LRBA: variants seen among roughly 807,000 people sequenced by gnomAD.
LRBA encodes LPS responsive beige-like anchor protein.
In LRBA, 176 loss-of-function variants were observed where a neutral mutation model predicts 330.0. The ratio of observed to expected loss-of-function variants is 0.53; its 90% CI spans 0.47 to 0.60. The LOEUF (loss-of-function observed/expected upper bound fraction) is 0.60, where lower values mean the gene tolerates loss of function less well. Ranked by LOEUF, LRBA falls within the 20% of genes least tolerant of loss-of-function variation. The pLI is 0.00. For synonymous variants in LRBA, 1,230 were observed against 1,193.0 expected (o/e 1.03, Z -0.64); for missense variants, 3,259 against 3,444.8 (o/e 0.95, Z 1.35).
At chr4:150,598,041 A>G (rs1773699191) in intron 38 of LRBA, among the ~76,000 whole-genome samples, 1 of 152,130 alleles carries the variant, frequency 6.6e-6, no homozygotes, top group South Asian at 2.1e-4. Context: ...GGCCAAACCT[A>G]AGATTACAGA....
chr4:150,342,706 A>C (rs6535729), intron 48 of LRBA, among the ~76,000 whole-genome samples: 115,067 of 151,954 alleles, frequency 0.76, 45,281 homozygotes, highest in Non-Finnish European at 0.89. Context: ...ATTCATTATA[A>C]AATGGAAACT....
chr4:150,975,160 A>C (rs1429570278), intron 2 of LRBA, among the ~76,000 whole-genome samples: 1 of 152,214 alleles, frequency 6.6e-6, no homozygotes, highest in East Asian at 1.9e-4. Flanking sequence ...ATCTCTACTA[A>C]TCAGATGTTG....
intron 44 of LRBA, among the ~76,000 whole-genome samples, chr4:150,457,032 G>C (rs1206376026): frequency 2.0e-5 from 3 of 151,978 alleles, no homozygotes; most frequent in Non-Finnish European, 4.4e-5. Flanking sequence ...AGTTAATGCA[G>C]TTCAACGGGA....
intron 47 of LRBA, among the ~76,000 whole-genome samples, chr4:150,377,507 A>C (rs1741526030): frequency 6.6e-6 from 1 of 152,206 alleles, no homozygotes; most frequent in African/African-American, 2.4e-5. Context: ...GATTTGATTA[A>C]AAGTCCTTAG....
chr4:150,827,423 C>G (rs1378276553), intron 30 of LRBA, among the ~76,000 whole-genome samples: 7 of 151,986 alleles, frequency 4.6e-5, no homozygotes, highest in African/African-American at 7.3e-5. Flanking sequence ...TCCTGCTTCC[C>G]CTTTCACTTT....
intron 40 of LRBA, among the ~76,000 whole-genome samples, chr4:150,539,932 G>T (rs1386543918): frequency 6.6e-6 from 1 of 152,110 alleles, no homozygotes; most frequent in East Asian, 1.9e-4. Flanking sequence ...AAACATTTAT[G>T]TACTCACAAA....
At chr4:150,732,081 T>C (rs1730531330) in intron 36 of LRBA, among the ~76,000 whole-genome samples, 1 of 152,080 alleles carries the variant, frequency 6.6e-6, no homozygotes, top group Non-Finnish European at 1.5e-5. Flanking sequence ...ATGTCAAAAC[T>C]CATGTTTAAA....
At position 150,583,193 on chromosome 4, in the gene LRBA, C is replaced by A; in HGVS notation, c.6330+4855G>T. ...GTGCAGGAGCCTCGCTTCATCAGCTCCTTGAGCGAGATCGATGCCCGCTAC... is the reference window on the plus strand; with the variant it reads ...GTGCAGGAGCCTCGCTTCATCAGCTACTTGAGCGAGATCGATGCCCGCTAC... On this transcript the variant is annotated intron_variant, in intron 40 of 56. Transcript: ENST00000651943. The surrounding 1 kb of genome is among the most constrained non-coding windows in gnomAD (Gnocchi z 9.8). The A allele has an allele frequency of 6.2e-7, 1 of 1,614,222 alleles. No individual in the cohort carries two copies. Among genetic ancestry groups the A allele is most frequent in the Non-Finnish European group, 8.5e-7 (1 of 1,180,038 alleles).
rs185943181 is a variant in LRBA, at chr4:150,508,655, C to T, written c.6331-17620G>A. 5.2e-3 allele frequency among the ~76,000 whole-genome samples: 786 copies of T among 152,272 alleles called. 6 individuals carry two copies. Among genetic ancestry groups the T allele is most frequent in the Middle Eastern group, 0.024 (7 of 294 alleles). On this transcript the variant is annotated intron_variant, in intron 40 of 56. Transcript: ENST00000651943. Reference sequence around the variant, plus strand: ...GGGTCATTTTATAATAATATCATTTCATCAAGAGGCTTTATTTAACTATCC... The same window carrying T: ...GGGTCATTTTATAATAATATCATTTTATCAAGAGGCTTTATTTAACTATCC...
intron 47 of LRBA, among the ~76,000 whole-genome samples, chr4:150,373,172 T>TGTGAGAGA (rs1283762385): frequency 3.6e-4 from 35 of 97,506 alleles, no homozygotes; most frequent in South Asian, 3.7e-4. Context: ...TGTGTGTGTG[T>TGTGAGAGA]GAGAGAGAGA....
intron 51 of LRBA, chr4:150,315,260 G>C: frequency 2.3e-6 from 1 of 433,234 alleles, no homozygotes; most frequent in South Asian, 2.7e-5. Flanking sequence ...TCTGAGTGAT[G>C]AAAAGATCCA....
At chr4:150,498,208 T>C (rs2152114191) in intron 40 of LRBA, among the ~76,000 whole-genome samples, 1 of 152,330 alleles carries the variant, frequency 6.6e-6, no homozygotes, top group East Asian at 1.9e-4. Flanking sequence ...CATTTCATAA[T>C]TTAATATTTG....
intron 2 of LRBA, among the ~76,000 whole-genome samples, chr4:150,989,209 T>G (rs1157919862): frequency 6.6e-6 from 1 of 151,912 alleles, no homozygotes; most frequent in Admixed American, 6.6e-5. Context: ...TTTCGCCATG[T>G]TGGCCAGGCT....
chr4:150,982,866 C>G (rs1403799273), intron 2 of LRBA, among the ~76,000 whole-genome samples: 2 of 152,078 alleles, frequency 1.3e-5, no homozygotes, highest in Admixed American at 1.3e-4. Context: ...CATCTGAAAA[C>G]CTACACTGTG....
At position 150,916,156 on chromosome 4, in the gene LRBA, C is replaced by T. The variant is rs186006244; in HGVS notation, c.894+245G>A. Among the ~76,000 whole-genome samples the T allele has an allele frequency of 6.0e-4, 92 of 152,220 alleles. 3 individuals are homozygous for T. In the East Asian group the frequency reaches 0.016, roughly 27 times the overall value. ...GCAAACACATATTAAATTTGCAATACTAAAATAAATGCCGTAGATATTTCC... is the reference window on the plus strand; with the variant it reads ...GCAAACACATATTAAATTTGCAATATTAAAATAAATGCCGTAGATATTTCC... On this transcript the variant is annotated intron_variant, in intron 7 of 56. Transcript: ENST00000651943.
intron 37 of LRBA, among the ~76,000 whole-genome samples, chr4:150,642,185 C>A (rs1778742183): frequency 6.6e-6 from 1 of 151,890 alleles, no homozygotes; most frequent in Non-Finnish European, 1.5e-5. Flanking sequence ...TTCAAAAGCA[C>A]AAGAATACAT....
intron 11 of LRBA, among the ~76,000 whole-genome samples, chr4:150,906,733 AG>A (rs1283292239): frequency 6.6e-6 from 1 of 152,198 alleles, no homozygotes; most frequent in Non-Finnish European, 1.5e-5. Context: ...AAATACACTA[AG>A]GCCTTAAAGA....
intron 35 of LRBA, among the ~76,000 whole-genome samples, chr4:150,736,482 T>C (rs1731192654): frequency 6.6e-6 from 1 of 152,166 alleles, no homozygotes; most frequent in East Asian, 1.9e-4. Context: ...ATAGATTTAC[T>C]GGGTTATTAA....
chr4:150,677,837 A>AAAGAG (rs60183156), intron 37 of LRBA, among the ~76,000 whole-genome samples: 126,455 of 150,194 alleles, frequency 0.84, 54,401 homozygotes, highest in Non-Finnish European at 0.95. Context: ...AGAAAAAAGA[A>AAAGAG]AAGAGAAAAG....
Sources: gnomAD v4.1 joint callset for allele counts (sites outside exome capture counted in the v4.1 genomes callset) on GRCh38, gnomAD v4.1.1 for gene constraint, Gnocchi (gnomAD v3.1) non-coding constraint, MANE v1.5 for transcripts, NCBI Gene and HGNC (gene_info 2026-07-23, HGNC 2026-07-21) for gene names.